MIF4GD: variants seen among roughly 807,000 people sequenced by gnomAD.
MIF4GD encodes MIF4G domain-containing protein.
A neutral mutation model predicts 26.7 loss-of-function variants in MIF4GD; 22 were observed. The ratio of observed to expected loss-of-function variants is 0.82; its 90% CI spans 0.59 to 1.18. The LOEUF is 1.18. MIF4GD is among the 50% of genes most tolerant of loss of function. The pLI is 0.00. For missense variants in MIF4GD, 262 were observed against 279.6 expected (o/e 0.94, Z 0.45); for synonymous variants, 137 against 111.6 (o/e 1.23, Z -1.43).
chr17:75,266,957 A>C lies in MIF4GD; in HGVS notation c.452T>G (p.Leu151Trp). 2 of 1,613,694 alleles carry C rather than the reference A, an allele frequency of 1.2e-6. No homozygotes were observed. The highest frequency in any genetic ancestry group is 1.7e-6 in the Non-Finnish European group (2 of 1,179,874). The part of the protein sequence containing the change: ...SLSKEEEVDC[L>W]VLQLHRVGEQ... The stretch of plus-strand genomic sequence containing the variant: ...CCCAACCCGGTGCAGCTGCAGCACC[A>C]AACAGTCCACCTGCAGGCGACAGTG... Residue 151 changes from leucine to tryptophan, a missense_variant, in exon 6 of 6, where the codon TTG (leucine) becomes TGG (tryptophan). Coordinates refer to ENST00000325102, the MANE Select transcript of MIF4GD (RefSeq NM_001370592.1).
In MIF4GD at chr17:75,270,844, G is replaced by C. The variant is rs1285704210; in HGVS notation, c.-51+300C>G. On this transcript the variant is annotated intron_variant, in intron 1 of 5. Transcript: ENST00000325102. The surrounding 1 kb of genome is among the most constrained non-coding windows in gnomAD (Gnocchi z 5.7). ...CCCAGACCCGTGCCAGCTTCTCCCTGGGACAGGCTGGTCGGATCGGCTCCC... is the reference window on the plus strand; with the variant it reads ...CCCAGACCCGTGCCAGCTTCTCCCTCGGACAGGCTGGTCGGATCGGCTCCC... 1.3e-5 allele frequency: 2 copies of C among 152,688 alleles called. No homozygotes were observed. The highest frequency in any genetic ancestry group is 2.9e-5 in the Non-Finnish European group (2 of 68,422). 9.5% of individuals were successfully genotyped at this position (152,688 alleles called of 1,614,324 possible).
At chr17:75,269,737 CTTTCTTTTT>C (rs1414014629) in intron 2 of MIF4GD, among the ~76,000 whole-genome samples, 8 of 103,738 alleles carry the variant, frequency 7.7e-5, no homozygotes, top group African/African-American at 1.5e-4. Flanking sequence ...TTTTTCTTTT[CTTTCTTTTT>C]TTTTTTTTTT....
intron 3 of MIF4GD, 68 bp downstream of exon 3, chr17:75,268,015 C>A: frequency 6.2e-7 from 1 of 1,604,690 alleles, no homozygotes; most frequent in South Asian, 1.1e-5. Context: ...GTCCTGCAGG[C>A]CAGGCCTTCT....
Position 75,266,891 on chromosome 17 carries a change from A to T in MIF4GD, c.518T>A (p.Leu173His). The T allele has an allele frequency of 6.2e-7, 1 of 1,614,156 alleles. No individual in the cohort carries two copies. Among genetic ancestry groups the T allele is most frequent in the Non-Finnish European group, 8.5e-7 (1 of 1,180,040 alleles). ...EKMNGQRMDELFVLIRDGFLL... is the reference protein window; with the variant it reads ...EKMNGQRMDEHFVLIRDGFLL... ...GAAGCCATCCCGGATCAGCACAAAG[A>T]GCTCATCCATGCGCTGCCCATTCAT... Residue 173 changes from leucine to histidine, a missense_variant, in exon 6 of 6, where the codon CTC (leucine) becomes CAC (histidine). By Grantham distance (99) the Leu-to-His change is moderately conservative (BLOSUM62 -3). Transcript: ENST00000325102.
chr17:75,271,140 C>A lies in MIF4GD; in HGVS notation c.-51+4G>T, dbSNP rs1393853056. 1 of 149,460 alleles carries A rather than the reference C, an allele frequency of 6.7e-6. No homozygotes were observed. Among genetic ancestry groups the A allele is most frequent in the Non-Finnish European group, 1.5e-5 (1 of 67,070 alleles). The allele number at this position is 149,460 out of a possible 1,614,324, so 9.3% of individuals were successfully genotyped here. ...GGAGAGGCGGCGTGGGAGCCGGGAC[C>A]CACCTGCCGGGCCGGTGGCGCGCGC... On this transcript the variant is annotated splice_donor_region_variant and intron_variant, in intron 1 of 5. Transcript: ENST00000325102. This position sits in a 1 kb window ranked among gnomAD's most constrained non-coding sequence, Gnocchi z 4.2.
rs1189542972 is a variant in MIF4GD at position 75,267,457 on chromosome 17, G to A, written c.441+81C>T. 2.9e-6 allele frequency: 4 copies of A among 1,387,008 alleles called. No homozygotes were observed. The South Asian group carries it at 4.8e-5, about 17-fold the overall frequency. The allele number at this position is 1,387,008 out of a possible 1,614,324, so 85.9% of individuals were successfully genotyped here. ...TGACACAGTCCTCAGAGACCTCCGT[G>A]AGCAGTGGGCTGACACACGGCTGAG... On this transcript the variant is annotated intron_variant, in intron 5 of 5. Transcript: ENST00000325102.
chr17:75,268,689 GAAA>G, intron 2 of MIF4GD, among the ~76,000 whole-genome samples: 1 of 138,482 alleles, frequency 7.2e-6, no homozygotes. Flanking sequence ...AAAAAAAAAA[GAAA>G]AAAATAAAAG....
At chr17:75,269,548 C>CTTTTTTTTTTTTTT (rs547476219) in intron 2 of MIF4GD, 2 of 481,722 alleles carry the variant, frequency 4.2e-6, no homozygotes, top group African/African-American at 7.0e-5. Context: ...TATGGTTAAA[C>CTTTTTTTTTTTTTT]TTTTTTTTTT....
intron 5 of MIF4GD, 52 bp from the exon 6 acceptor site, chr17:75,267,019 T>A: frequency 1.3e-6 from 2 of 1,514,982 alleles, no homozygotes; most frequent in Admixed American, 3.7e-5. Context: ...TGCCAGCCTC[T>A]CACACAGCAT....
chr17:75,269,547 A>AATTT (rs2077635143), intron 2 of MIF4GD: 7 of 766,090 alleles, frequency 9.1e-6, no homozygotes, highest in Non-Finnish European at 1.2e-5. Context: ...TTATGGTTAA[A>AATTT]CTTTTTTTTT....
At chr17:75,269,540 T>A in intron 2 of MIF4GD, 2 of 1,399,628 alleles carry the variant, frequency 1.4e-6, no homozygotes, top group South Asian at 1.3e-5. Context: ...CTTTTTTTTA[T>A]GGTTAAACTT....
At chr17:75,267,700 G>A (rs750605315) in intron 4 of MIF4GD, 46 bp downstream of exon 4, 1 of 1,612,384 alleles carries the variant, frequency 6.2e-7, no homozygotes, top group Non-Finnish European at 8.5e-7. Flanking sequence ...CTGGGCCTCA[G>A]GAAACAGGCC....
rs2077685887 is a variant in MIF4GD, at chr17:75,270,299, C to G, written c.-50-54G>C. 1 of 1,038,172 alleles carries G rather than the reference C, an allele frequency of 9.6e-7. No individual in the cohort carries two copies. 64.3% of individuals were successfully genotyped at this position (1,038,172 alleles called of 1,614,324 possible). On this transcript the variant is annotated intron_variant, in intron 1 of 5. Coordinates refer to ENST00000325102, the MANE Select transcript of MIF4GD (RefSeq NM_001370592.1). This position sits in a 1 kb window ranked among gnomAD's most constrained non-coding sequence, Gnocchi z 5.7. ...TCAGGTGTGGAGCGCAGGGCGGGTT[C>G]CGTCCTGCAGGCCCTGGACGGGGCT...
rs555844863 is a variant in MIF4GD at position 75,267,010 on chromosome 17, G to A, written c.442-43C>T. ...GGTAACACAAGTGAACTGGGGCAGT[G>A]CCAGCCTCTCACACAGCATTTGCCA... On this transcript the variant is annotated intron_variant, in intron 5 of 5. Transcript: ENST00000325102. The A allele has an allele frequency of 7.1e-6, 11 of 1,553,386 alleles. No individual in the cohort carries two copies. In the South Asian group the frequency reaches 9.1e-5, roughly 13 times the overall value.
At chr17:75,269,979 A>G (rs2077670190) in intron 2 of MIF4GD, 135 bp downstream of exon 2, 3 of 731,890 alleles carry the variant, frequency 4.1e-6, no homozygotes. Context: ...CAGTTCAAGA[A>G]TTACGTTGCC....
Position 75,270,258 on chromosome 17 carries a change from G to C in MIF4GD, c.-50-13C>G. 1 of 1,441,734 alleles carries C rather than the reference G, an allele frequency of 6.9e-7. No homozygotes were observed. Among genetic ancestry groups the C allele is most frequent in the Non-Finnish European group, 9.8e-7 (1 of 1,024,982 alleles). 89.3% of individuals were successfully genotyped at this position (1,441,734 alleles called of 1,614,324 possible). Reference sequence around the variant, plus strand: ...ATAAGGACAGCACCTGAGGAGAAGAGGCGAAGGGAGCGGCCTCAGGTGTGG... The same window carrying C: ...ATAAGGACAGCACCTGAGGAGAAGACGCGAAGGGAGCGGCCTCAGGTGTGG... On this transcript the variant is annotated splice_polypyrimidine_tract_variant and intron_variant, in intron 1 of 5. Coordinates refer to ENST00000325102, the MANE Select transcript of MIF4GD (RefSeq NM_001370592.1). The surrounding 1 kb of genome is among the most constrained non-coding windows in gnomAD (Gnocchi z 5.7).
At position 75,268,001 on chromosome 17, in the gene MIF4GD, C is replaced by T. The variant is rs73356374; in HGVS notation, c.192+82G>A. 44,779 of 1,605,464 alleles carry T rather than the reference C, an allele frequency of 0.028. 5,207 individuals are homozygous for T. In the African/African-American group the frequency reaches 0.34, roughly 12 times the overall value. ...TCTCTTTGAGCTAGACCCTGTGCAT[C>T]TCTGTCCTGCAGGCCAGGCCTTCTG... On this transcript the variant is annotated intron_variant, in intron 3 of 5. Transcript: ENST00000325102.
At chr17:75,269,298 C>A (rs1480919945) in intron 2 of MIF4GD, 1 of 1,606,320 alleles carries the variant, frequency 6.2e-7, no homozygotes, top group Non-Finnish European at 8.5e-7. Context: ...TCCCAACAGG[C>A]TCGGCTTGAC....
In MIF4GD at chr17:75,266,748, A is replaced by G; in HGVS notation, c.661T>C (p.Ser221Pro). 6.2e-7 allele frequency: 1 copy of G among 1,614,176 alleles called. No individual in the cohort carries two copies. The highest frequency in any genetic ancestry group is 8.5e-7 in the Non-Finnish European group (1 of 1,180,010). The part of the protein sequence containing the change: ...AAHKYYYSEV[S>P]D ...AGCCCTGATCTGGAGGCCTAGTCGG[A>G]GACTTCGCTGTAGTAATACTTGTGG... The change falls in exon 6 of 6, where the codon TCC becomes CCC. Residue 221 changes from serine to proline, a missense_variant. By Grantham distance (74) the Ser-to-Pro change is moderately conservative (BLOSUM62 -1). Transcript: ENST00000325102.
Sources: allele counts gnomAD v4.1 joint callset (sites outside exome capture counted in the v4.1 genomes callset), GRCh38; gene constraint gnomAD v4.1.1; non-coding constraint Gnocchi (gnomAD v3.1); transcripts MANE v1.5; gene names NCBI Gene and HGNC (gene_info 2026-07-23, HGNC 2026-07-21).